Variants in CNTNAP5 observed in about 807,000 individuals in gnomAD.
CNTNAP5 encodes the protein contactin-associated protein-like 5.
Under a neutral mutation model 150.2 loss-of-function variants are expected in CNTNAP5, and 72 were observed. The observed-to-expected ratio is 0.48, with a 90% confidence interval of 0.40 to 0.58. CNTNAP5 has a LOEUF of 0.58. Ranked by LOEUF, CNTNAP5 falls within the 20% of genes least tolerant of loss-of-function variation. The pLI, the probability that CNTNAP5 is intolerant of heterozygous loss-of-function variation, is 0.00. For missense variants in CNTNAP5, 1,636 were observed against 1,626.2 expected, an observed-to-expected ratio of 1.01 and a Z score of -0.10; for synonymous variants, 672 against 619.8, an observed-to-expected ratio of 1.08 and a Z score of -1.25.
intron 11 of CNTNAP5, among the ~76,000 whole-genome samples, chr2:124,565,638 C>T (rs1417006361): frequency 4.4e-5 from 5 of 113,188 alleles, no homozygotes; most frequent in African/African-American, 1.7e-4. Context: ...CTTGCTCTGT[C>T]ACCCAGGCTG....
intron 1 of CNTNAP5, among the ~76,000 whole-genome samples, chr2:124,099,471 G>T (rs1683014661): frequency 6.6e-6 from 1 of 152,136 alleles, no homozygotes; most frequent in Non-Finnish European, 1.5e-5. Context: ...ACCTGCACAG[G>T]CTGTGTCAAA....
chr2:124,392,115 T>C (rs568682364), intron 3 of CNTNAP5, among the ~76,000 whole-genome samples: 2 of 152,300 alleles, frequency 1.3e-5, no homozygotes, highest in East Asian at 3.9e-4. Context: ...CTCTGTTCTG[T>C]GCCCAGAAAA....
At chr2:124,807,268 G>A (rs952006728) in intron 19 of CNTNAP5, among the ~76,000 whole-genome samples, 3 of 152,082 alleles carry the variant, frequency 2.0e-5, no homozygotes, top group Non-Finnish European at 2.9e-5. Context: ...TTGACCTCTC[G>A]ATGTTAAGAA....
At chr2:124,327,143 G>C (rs1211387258) in intron 3 of CNTNAP5, among the ~76,000 whole-genome samples, 1 of 150,192 alleles carries the variant, frequency 6.7e-6, no homozygotes, top group South Asian at 2.2e-4. Flanking sequence ...ACCACACCTG[G>C]CTAATTTTTT....
chr2:124,854,898 G>A (rs1558801368), intron 19 of CNTNAP5, among the ~76,000 whole-genome samples: 1 of 152,156 alleles, frequency 6.6e-6, no homozygotes, highest in African/African-American at 2.4e-5. Context: ...CACATGGACT[G>A]GGTCTTAAAT....
At chr2:124,079,782 G>A (rs1682519650) in intron 1 of CNTNAP5, among the ~76,000 whole-genome samples, 1 of 152,132 alleles carries the variant, frequency 6.6e-6, no homozygotes, top group Non-Finnish European at 1.5e-5. Flanking sequence ...GATGGGACAT[G>A]GATAAGAAAC....
At chr2:124,646,279 A>G (rs1214467098) in intron 12 of CNTNAP5, among the ~76,000 whole-genome samples, 2 of 152,206 alleles carry the variant, frequency 1.3e-5, no homozygotes, top group Non-Finnish European at 2.9e-5. Flanking sequence ...CAAGTGGCCT[A>G]TTCTTTTCTC....
At chr2:124,853,405 C>A (rs561214929) in intron 19 of CNTNAP5, among the ~76,000 whole-genome samples, 129 of 152,230 alleles carry the variant, frequency 8.5e-4, no homozygotes, top group African/African-American at 2.8e-3. Flanking sequence ...TCCAAGTTCC[C>A]ATTCCTTTTG....
intron 6 of CNTNAP5, among the ~76,000 whole-genome samples, chr2:124,452,788 G>C (rs1307128256): frequency 6.6e-6 from 1 of 152,114 alleles, no homozygotes; most frequent in Non-Finnish European, 1.5e-5. Context: ...AATCACTACA[G>C]CTTGGCTCTC....
At chr2:124,526,965 G>A (rs1000910800) in intron 9 of CNTNAP5, among the ~76,000 whole-genome samples, 2 of 152,066 alleles carry the variant, frequency 1.3e-5, no homozygotes, top group African/African-American at 4.8e-5. Flanking sequence ...TTCTTCCTTG[G>A]GATGAGTGAA....
Position 124,224,808 on chromosome 2 carries a change from G to A in CNTNAP5, c.187+2999G>A, listed in dbSNP as rs545771125. On this transcript the variant is annotated intron_variant, in intron 2 of 23. Coordinates refer to ENST00000682447, the MANE Select transcript of CNTNAP5 (RefSeq NM_001367498.1). ...AATATAACATTTAGAAAGTTAAGAA[G>A]AAAACTTATAATTTTTGTTTATATT... 2.6e-5 allele frequency among the ~76,000 whole-genome samples: 4 copies of A among 152,086 alleles called. No individual in the cohort carries two copies. In the South Asian group the frequency reaches 8.3e-4, roughly 32 times the overall value.
intron 4 of CNTNAP5, among the ~76,000 whole-genome samples, chr2:124,418,197 C>T (rs1691974477): frequency 6.6e-6 from 1 of 152,102 alleles, no homozygotes; most frequent in Admixed American, 6.5e-5. Context: ...TAATTCTTTC[C>T]TGCGCGCTTT....
intron 8 of CNTNAP5, among the ~76,000 whole-genome samples, chr2:124,510,279 C>CTATATATATATATATA (rs1238288039): frequency 7.0e-5 from 5 of 70,990 alleles, no homozygotes; most frequent in South Asian, 5.4e-4. Context: ...ATATCTATAT[C>CTATATATATATATATA]TATATCTATA....
At chr2:124,266,366 A>G (rs1414813054) in intron 3 of CNTNAP5, among the ~76,000 whole-genome samples, 2 of 152,204 alleles carry the variant, frequency 1.3e-5, no homozygotes, top group Non-Finnish European at 2.9e-5. Context: ...AATCAACCAC[A>G]TGGCATTTAT....
chr2:124,592,639 G>C (rs545698719), intron 11 of CNTNAP5, among the ~76,000 whole-genome samples: 1 of 152,112 alleles, frequency 6.6e-6, no homozygotes, highest in South Asian at 2.1e-4. Context: ...TGCTAAGCCT[G>C]CTAGGGAAAA....
chr2:124,099,612 A>C (rs4563225), intron 1 of CNTNAP5, among the ~76,000 whole-genome samples: 12,914 of 152,176 alleles, frequency 0.085, 735 homozygotes, highest in Non-Finnish European at 0.13. Context: ...GCCATAAAGA[A>C]ATATCTGAAA....
At chr2:124,255,620 G>A (rs771489882) in intron 3 of CNTNAP5, among the ~76,000 whole-genome samples, 41 of 151,044 alleles carry the variant, frequency 2.7e-4, no homozygotes, top group Non-Finnish European at 4.7e-4. Context: ...AAAAGCAATG[G>A]GAATAAGGGA....
At chr2:124,647,642 A>C in intron 12 of CNTNAP5, 116 bp from the exon 13 acceptor site, 47 of 811,056 alleles carry the variant, frequency 5.8e-5, no homozygotes, top group Non-Finnish European at 7.8e-5. Flanking sequence ...TACTCTCCAT[A>C]CGGTACCGGA....
chr2:124,905,134 T>TG (rs1293552799), intron 22 of CNTNAP5, among the ~76,000 whole-genome samples: 1 of 147,852 alleles, frequency 6.8e-6, no homozygotes, highest in Non-Finnish European at 1.5e-5. Flanking sequence ...TTGTTTTTTT[T>TG]TTTTTCCACA....
Sources: allele counts gnomAD v4.1 joint callset (sites outside exome capture counted in the v4.1 genomes callset), GRCh38; gene constraint gnomAD v4.1.1; transcripts MANE v1.5; gene names NCBI Gene and HGNC (gene_info 2026-07-23, HGNC 2026-07-21).